Variants in TMEM223 observed in about 807,000 individuals in gnomAD.
TMEM223 encodes the protein transmembrane protein 223.
In TMEM223, 14 loss-of-function variants were observed where a neutral mutation model predicts 14.1. That is an observed-to-expected ratio of 0.99 (90% CI 0.66 to 1.55). The LOEUF (loss-of-function observed/expected upper bound fraction) is 1.55, where lower values mean the gene tolerates loss of function less well. Among genes scored for constraint, TMEM223 ranks in the 40% most tolerant of loss-of-function variants. The probability of loss-of-function intolerance (pLI) is 0.00; values close to 1 mark genes in which losing one functional copy is unlikely to be tolerated. For synonymous variants in TMEM223, 145 were observed against 120.5 expected (o/e 1.20, Z -1.33); for missense variants, 346 against 269.9 (o/e 1.28, Z -1.97).
chr11:62,789,690 A>C, downstream of TMEM223: 1 of 1,534,444 alleles, frequency 6.5e-7, no homozygotes, highest in Non-Finnish European at 8.7e-7. Flanking sequence ...GTGAGACCCA[A>C]GGATAGGAGG....
chr11:62,791,850 C>G lies in TMEM223; in HGVS notation c.145G>C (p.Gly49Arg), dbSNP rs762854073. Reference protein sequence around the residue: ...HDRGRFFTILGLFCAGQGVFW... With the variant: ...HDRGRFFTILRLFCAGQGVFW... The stretch of plus-strand genomic sequence containing the variant: ...ACGCCCTGGCCCGCGCAGAACAGCC[C>G]GAGGATGGTGAAGAAGCGGCCCCGA... Residue 49 changes from glycine (G) to arginine (R), a missense_variant, in exon 1 of 2, where the codon GGG becomes CGG. Gly to Arg is a moderately radical substitution (Grantham distance 125). Transcript: ENST00000307366. 1 of 1,592,394 alleles carries G rather than the reference C, an allele frequency of 6.3e-7. No homozygotes were observed. The highest frequency in any genetic ancestry group is 8.5e-7 in the Non-Finnish European group (1 of 1,170,226).
Position 62,791,835 on chromosome 11 carries a change from C to T in TMEM223, c.160G>A (p.Gly54Ser). 6.3e-7 allele frequency: 1 copy of T among 1,590,000 alleles called. No individual in the cohort carries two copies. Among genetic ancestry groups the T allele is most frequent in the Non-Finnish European group, 8.6e-7 (1 of 1,169,040 alleles). The change falls in exon 1 of 2, where the codon GGC becomes AGC. Residue 54 changes from glycine (G) to serine (S), a missense_variant. Physicochemically the swap from Gly to Ser is moderately conservative, Grantham distance 56. Coordinates refer to ENST00000307366, the MANE Select transcript of TMEM223 (RefSeq NM_001080501.3). ...ATGGAAGCCCAGAAGACGCCCTGGC[C>T]CGCGCAGAACAGCCCGAGGATGGTG... ...FFTILGLFCA[G>S]QGVFWASMAV...
chr11:62,772,227 C>T (rs1355825772), intron 2 of TMEM223: 1 of 438,166 alleles, frequency 2.3e-6, no homozygotes, highest in Non-Finnish European at 4.6e-6. Context: ...AGGCATAGTA[C>T]AGTGCTATTC....
In TMEM223 at chr11:62,777,901, A is replaced by G. The variant is rs546368503; in HGVS notation, c.315-3236T>C. On this transcript the variant is annotated intron_variant, in intron 1 of 2. Coordinates refer to the TMEM223 transcript ENST00000528367. ...CAAACGTGGGCTCTCTGCTCTGGTC[A>G]GTGGAGCCTCATCCTGGATCCTGAC... 105 of 1,534,648 alleles carry G rather than the reference A, an allele frequency of 6.8e-5. No homozygotes were observed. The South Asian group carries it at 1.2e-3, about 17-fold the overall frequency.
chr11:62,787,092 C>A, downstream of TMEM223: 1 of 1,539,720 alleles, frequency 6.5e-7, no homozygotes, highest in East Asian at 2.5e-5. Flanking sequence ...TCGCCCCGCG[C>A]GGCGCCCCGC....
At chr11:62,789,559 A>C, downstream of TMEM223, 6 of 1,555,478 alleles carry the variant, frequency 3.9e-6, no homozygotes, top group Non-Finnish European at 5.2e-6. Context: ...CCTCGGATAT[A>C]AACTATCACG....
Position 62,790,254 on chromosome 11 carries a change from G to C in TMEM223, c.*369C>G. 1.7e-6 allele frequency: 1 copy of C among 599,124 alleles called. No individual in the cohort carries two copies. The highest frequency in any genetic ancestry group is 2.8e-6 in the Non-Finnish European group (1 of 360,128). The allele number at this position is 599,124 out of a possible 1,614,324, so 37.1% of individuals were successfully genotyped here. ...ATTACTGTCTTCATCTTAGTAGTGAGTTTTTGATGTTAAAGTACAACTAGA... is the reference window on the plus strand; with the variant it reads ...ATTACTGTCTTCATCTTAGTAGTGACTTTTTGATGTTAAAGTACAACTAGA... On this transcript the variant is annotated 3_prime_UTR_variant, in exon 2 of 2. Transcript: ENST00000307366.
chr11:62,780,826 A>G (rs1027361013), intron 1 of TMEM223, among the ~76,000 whole-genome samples: 6 of 150,908 alleles, frequency 4.0e-5, no homozygotes, highest in Non-Finnish European at 7.4e-5. Context: ...AATCCTAGCT[A>G]CTTGCGAGGC....
downstream of TMEM223, chr11:62,787,996 A>G (rs1185746363): frequency 6.5e-6 from 3 of 463,022 alleles, no homozygotes; most frequent in African/African-American, 5.9e-5. Context: ...ACGTAAAGGT[A>G]GAAGCCAATA....
downstream of TMEM223, among the ~76,000 whole-genome samples, chr11:62,784,406 G>A (rs566909528): frequency 2.7e-5 from 4 of 150,746 alleles, no homozygotes; most frequent in East Asian, 7.9e-4. Context: ...CCGGGTTCAC[G>A]CCATTCTCCT....
chr11:62,778,697 C>T, intron 1 of TMEM223: 2 of 642,744 alleles, frequency 3.1e-6, no homozygotes, highest in Non-Finnish European at 5.5e-6. Flanking sequence ...TGTGCAGAGC[C>T]TAGATGGTCA....
chr11:62,785,621 G>GC (rs1029270987), downstream of TMEM223, among the ~76,000 whole-genome samples: 4 of 146,584 alleles, frequency 2.7e-5, no homozygotes, highest in Admixed American at 1.4e-4. Context: ...TGCAACCTCT[G>GC]CCCCCCGAGT....
chr11:62,785,241 G>A (rs566133124), downstream of TMEM223, among the ~76,000 whole-genome samples: 1 of 151,892 alleles, frequency 6.6e-6, no homozygotes, highest in South Asian at 2.1e-4. Flanking sequence ...ACCCAGGCTG[G>A]AGTGCAATGG....
exon 3 of TMEM223, chr11:62,772,101 A>T: frequency 2.2e-6 from 1 of 456,270 alleles, no homozygotes; most frequent in South Asian, 1.5e-5. Flanking sequence ...GAAGTCATGG[A>T]ACATTTAGCC....
downstream of TMEM223, chr11:62,786,989 G>A: frequency 6.8e-7 from 1 of 1,475,778 alleles, no homozygotes; most frequent in Non-Finnish European, 8.9e-7. Context: ...GCCTCTGAGA[G>A]CAGGCCCTTG....
At chr11:62,791,424 A>AT (rs1355995149) in intron 1 of TMEM223, among the ~76,000 whole-genome samples, 15 of 151,682 alleles carry the variant, frequency 9.9e-5, no homozygotes, top group African/African-American at 2.4e-4. Context: ...CGCCCAGCTA[A>AT]TTTTTTGTAT....
downstream of TMEM223, chr11:62,786,959 C>A: frequency 6.9e-7 from 1 of 1,448,056 alleles, no homozygotes; most frequent in Non-Finnish European, 9.0e-7. Flanking sequence ...GGCGGCCCCG[C>A]GTCGGCCTCT....
chr11:62,787,669 G>A (rs74575252), downstream of TMEM223: 1,505 of 1,111,748 alleles, frequency 1.4e-3, no homozygotes, highest in Admixed American at 3.2e-3. Flanking sequence ...GCCTGTACCT[G>A]AAATGCAGCG....
chr11:62,785,679 C>T (rs951165358), downstream of TMEM223, among the ~76,000 whole-genome samples: 1 of 151,950 alleles, frequency 6.6e-6, no homozygotes, highest in African/African-American at 2.4e-5. Flanking sequence ...AGATTACAGG[C>T]AACTGCTACT....
Sources: gnomAD v4.1 joint callset for allele counts (sites outside exome capture counted in the v4.1 genomes callset) on GRCh38, gnomAD v4.1.1 for gene constraint, MANE v1.5 for transcripts, NCBI Gene and HGNC (gene_info 2026-07-23, HGNC 2026-07-21) for gene names.